The following TMEM51 variants were observed in gnomAD, a reference collection of about 807,000 sequenced individuals.
TMEM51 encodes transmembrane protein 51.
Under a neutral mutation model 13.6 loss-of-function variants are expected in TMEM51, and 8 were observed. That is an observed-to-expected ratio of 0.59 (90% confidence interval 0.35 to 1.07). TMEM51 has a LOEUF of 1.07. TMEM51 is among the 50% of genes least tolerant of loss of function. The probability of loss-of-function intolerance (pLI) is 0.02; values close to 1 mark genes in which losing one functional copy is unlikely to be tolerated. For synonymous variants in TMEM51, 147 were observed against 144.4 expected (o/e 1.02, Z -0.13); for missense variants, 279 against 330.7 (o/e 0.84, Z 1.21).
At chr1:15,187,209 CG>C (rs1643806936) in intron 1 of TMEM51, among the ~76,000 whole-genome samples, 1 of 151,776 alleles carries the variant, frequency 6.6e-6, no homozygotes, top group Non-Finnish European at 1.5e-5. Context: ...CACCCCTCCC[CG>C]AGTCAGATCC....
At chr1:15,203,070 T>C (rs1249946475) in intron 1 of TMEM51, among the ~76,000 whole-genome samples, 3 of 152,208 alleles carry the variant, frequency 2.0e-5, no homozygotes, top group Non-Finnish European at 4.4e-5. Flanking sequence ...TATTCACTCA[T>C]GGATTCTTCA....
chr1:15,171,111 C>CCCCCCCG, intron 1 of TMEM51: 1 of 1,110,832 alleles, frequency 9.0e-7, no homozygotes, highest in Non-Finnish European at 1.2e-6. Context: ...CTCCACCCCC[C>CCCCCCCG]GCCACATCCC....
chr1:15,160,751 G>A (rs1642750231), intron 1 of TMEM51, among the ~76,000 whole-genome samples: 1 of 150,522 alleles, frequency 6.6e-6, no homozygotes. Context: ...TCTTCTTTTG[G>A]GGGAAATTGC....
rs930538638 is a variant in TMEM51, at chr1:15,161,010, C to G, written c.-267+7056C>G. Among the ~76,000 whole-genome samples, 2 of 151,942 alleles carry G rather than the reference C, an allele frequency of 1.3e-5. No homozygotes were observed. The highest frequency in any genetic ancestry group is 4.8e-5 in the African/African-American group (2 of 41,244). On this transcript the variant is annotated intron_variant, in intron 1 of 3. Transcript: ENST00000376008. The surrounding 1 kb of genome is among the most constrained non-coding windows in gnomAD (Gnocchi z 4.0). ...GAAGGATTTTCAGAAAGAGTGCAGT[C>G]TGAGCTGAAATGGGGAGCGGGGAGG...
intron 1 of TMEM51, among the ~76,000 whole-genome samples, chr1:15,188,005 A>AG (rs935063490): frequency 6.6e-6 from 1 of 152,136 alleles, no homozygotes; most frequent in Non-Finnish European, 1.5e-5. Flanking sequence ...GCCTCAGAAA[A>AG]GGGGGGGTAG....
rs1016446083 is a variant in TMEM51 at position 15,161,076 on chromosome 1, G to A, written c.-267+7122G>A. 1.4e-4 allele frequency among the ~76,000 whole-genome samples: 21 copies of A among 152,232 alleles called. No homozygotes were observed. The highest frequency in any genetic ancestry group is 2.1e-4 in the South Asian group (1 of 4,830). ...ACCGCCAAAGGTCTTCCTGGTGGAGGCAACTGCCTGTGCAAAGGCCTCAAG... is the reference window on the plus strand; with the variant it reads ...ACCGCCAAAGGTCTTCCTGGTGGAGACAACTGCCTGTGCAAAGGCCTCAAG... On this transcript the variant is annotated intron_variant, in intron 1 of 3. Coordinates refer to ENST00000376008, the MANE Select transcript of TMEM51 (RefSeq NM_001136218.2). The surrounding 1 kb of genome is among the most constrained non-coding windows in gnomAD (Gnocchi z 4.0).
chr1:15,207,126 A>T lies in TMEM51; in HGVS notation c.-266-3364A>T, dbSNP rs1644264054. ...GTGGCACAGCCCGGTGGAACCGGGG[A>T]TCCCTTTCCCAATTATGCAGCTTGG... On this transcript the variant is annotated intron_variant, in intron 1 of 3. Transcript: ENST00000376008. This position sits in a 1 kb window ranked among gnomAD's most constrained non-coding sequence, Gnocchi z 4.6. Among the ~76,000 whole-genome samples the T allele has an allele frequency of 6.6e-6, 1 of 152,214 alleles. No homozygotes were observed. The highest frequency in any genetic ancestry group is 1.5e-5 in the Non-Finnish European group (1 of 68,034).
intron 1 of TMEM51, among the ~76,000 whole-genome samples, chr1:15,196,708 T>C (rs1213811462): frequency 1.3e-5 from 2 of 152,220 alleles, no homozygotes; most frequent in African/African-American, 4.8e-5. Flanking sequence ...GACCATCCAA[T>C]TTTACATGTC....
chr1:15,211,047 A>G (rs577594288), intron 2 of TMEM51, among the ~76,000 whole-genome samples: 3 of 152,372 alleles, frequency 2.0e-5, no homozygotes, highest in South Asian at 4.1e-4. Flanking sequence ...AAAGCAACAC[A>G]TAGATATTTC....
chr1:15,186,595 G>A (rs115225171), intron 1 of TMEM51, among the ~76,000 whole-genome samples: 3,927 of 152,264 alleles, frequency 0.026, 86 homozygotes, highest in Non-Finnish European at 0.036. Context: ...GTAGAATGGG[G>A]TTGTGTATTG....
intron 1 of TMEM51, among the ~76,000 whole-genome samples, chr1:15,195,171 A>G (rs1439128584): frequency 6.6e-6 from 1 of 151,880 alleles, no homozygotes; most frequent in African/African-American, 2.4e-5. Flanking sequence ...GAGCTCAAGC[A>G]ATCTGCCTAC....
intron 1 of TMEM51, among the ~76,000 whole-genome samples, chr1:15,205,484 A>C (rs1045438279): frequency 6.6e-6 from 1 of 152,206 alleles, no homozygotes; most frequent in Non-Finnish European, 1.5e-5. Context: ...AAGGCCCTGC[A>C]GAGCTGCATG....
At position 15,215,024 on chromosome 1, in the gene TMEM51, G is replaced by A. The variant is rs1007921317; in HGVS notation, c.-64G>A. 8.8e-6 allele frequency: 13 copies of A among 1,471,182 alleles called. No homozygotes were observed. Among genetic ancestry groups the A allele is most frequent in the Admixed American group, 8.0e-5 (4 of 49,840 alleles). 91.1% of individuals were successfully genotyped at this position (1,471,182 alleles called of 1,614,324 possible). A position where few individuals can be genotyped will look rare whatever the true frequency, so the allele number is the denominator to read the frequency against. On this transcript the variant is annotated 5_prime_UTR_variant, in exon 3 of 4. It removes the in-frame stop codon of an upstream open reading frame in the 5' UTR. Coordinates refer to ENST00000376008, the MANE Select transcript of TMEM51 (RefSeq NM_001136218.2). ...AGCGCATTTAAGGGGTTTTTGTTGT[G>A]ACTGCTGCCTTGTATACATTTATTT...
At chr1:15,196,396 G>A (rs79930075) in intron 1 of TMEM51, among the ~76,000 whole-genome samples, 1 of 2,938 alleles carries the variant, frequency 3.4e-4, no homozygotes, top group Middle Eastern at 0.12. Context: ...GTGTGTGCAT[G>A]TGTGTGTGTG....
rs57884380 is a variant in TMEM51, at chr1:15,170,394, C to T, written c.-267+16440C>T. On this transcript the variant is annotated intron_variant, in intron 1 of 3. Coordinates refer to ENST00000376008, the MANE Select transcript of TMEM51 (RefSeq NM_001136218.2). ...TTTGAGATGGAGTCACTGCAACCTC[C>T]GCCTTCCAGTTTCAAGCGATTCTCC... 5.9e-3 allele frequency among the ~76,000 whole-genome samples: 897 copies of T among 151,280 alleles called. 28 individuals are homozygous for T. In the East Asian group the frequency reaches 0.068, roughly 11 times the overall value.
chr1:15,165,406 TGC>T (rs1452244550), intron 1 of TMEM51, among the ~76,000 whole-genome samples: 4 of 152,212 alleles, frequency 2.6e-5, no homozygotes, highest in African/African-American at 9.7e-5. Flanking sequence ...ATTAAAACAA[TGC>T]CGTCTTTCAC....
intron 1 of TMEM51, among the ~76,000 whole-genome samples, chr1:15,179,163 G>A (rs1425666669): frequency 3.9e-5 from 6 of 152,126 alleles, no homozygotes; most frequent in Admixed American, 3.9e-4. Flanking sequence ...GTGGCACCTG[G>A]ACAGGTGATT....
At chr1:15,155,467 T>A in intron 1 of TMEM51, among the ~76,000 whole-genome samples, 1 of 152,234 alleles carries the variant, frequency 6.6e-6, no homozygotes. Flanking sequence ...GCCTAGCACA[T>A]GAAGTATTCT....
chr1:15,173,574 C>G (rs1362480926), intron 1 of TMEM51, among the ~76,000 whole-genome samples: 1 of 151,886 alleles, frequency 6.6e-6, no homozygotes, highest in African/African-American at 2.4e-5. Flanking sequence ...GAAAACTAGA[C>G]TTGCTTTAAA....
Sources: allele counts gnomAD v4.1 joint callset (sites outside exome capture counted in the v4.1 genomes callset), GRCh38; gene constraint gnomAD v4.1.1; non-coding constraint Gnocchi (gnomAD v3.1); transcripts MANE v1.5; gene names NCBI Gene and HGNC (gene_info 2026-07-23, HGNC 2026-07-21).